Variants in ATF7IP2 observed in about 807,000 individuals in gnomAD.
The protein encoded by ATF7IP2 is activating transcription factor 7 interacting protein 2, also known as activating transcription factor 7-interacting protein 2.
ATF7IP2 carries 42 observed loss-of-function variants against 64.2 expected under a neutral mutation model. The observed-to-expected ratio is 0.65, with a 90% CI of 0.51 to 0.85. The LOEUF is 0.85. Among genes scored for constraint, ATF7IP2 ranks in the 40% least tolerant of loss-of-function variants. ATF7IP2 has a pLI of 0.00. For synonymous variants in ATF7IP2, 308 were observed against 272.8 expected (o/e 1.13, Z -1.27); for missense variants, 933 against 784.2 (o/e 1.19, Z -2.27).
intron 12 of ATF7IP2, among the ~76,000 whole-genome samples, chr16:10,478,055 TATC>T (rs1202189476): frequency 6.6e-6 from 1 of 151,306 alleles, no homozygotes. Context: ...GAAGAATCAA[TATC>T]ATGAAAATGG....
chr16:10,443,403 G>A (rs1197386672), intron 8 of ATF7IP2, among the ~76,000 whole-genome samples: 5 of 152,188 alleles, frequency 3.3e-5, no homozygotes, highest in Admixed American at 2.0e-4. Context: ...TGGGGTGCTA[G>A]AAGAGAGCTA....
intron 7 of ATF7IP2, among the ~76,000 whole-genome samples, chr16:10,439,717 A>G (rs1320127983): frequency 6.8e-6 from 1 of 147,742 alleles, no homozygotes; most frequent in Non-Finnish European, 1.5e-5. Flanking sequence ...TGTTCTTAGT[A>G]GAGATGGGGT....
intron 8 of ATF7IP2, chr16:10,447,576 T>A (rs1459124032): frequency 2.0e-5 from 3 of 152,030 alleles, no homozygotes; most frequent in Non-Finnish European, 2.9e-5. Flanking sequence ...AAAGCAGGGG[T>A]TTTTATTCCT....
Position 10,438,251 on chromosome 16 carries a change from A to G in ATF7IP2, c.1095+16A>G, listed in dbSNP as rs771730439. ...TAAACTTTTGGTAAGTTTTGATTTC[A>G]TTTGAGTCTTTTTTAGGGGAGTAGG... On this transcript the variant is annotated intron_variant, in intron 7 of 13. Coordinates refer to ENST00000562102, the MANE Select transcript of ATF7IP2 (RefSeq NM_001393719.1). 4.4e-6 allele frequency: 7 copies of G among 1,593,382 alleles called. No homozygotes were observed. In the Admixed American group the frequency reaches 7.2e-5, roughly 16 times the overall value.
chr16:10,463,716 T>C (rs2049451842), intron 9 of ATF7IP2, among the ~76,000 whole-genome samples: 1 of 152,232 alleles, frequency 6.6e-6, no homozygotes, highest in Admixed American at 6.5e-5. Flanking sequence ...GGAACTGAGA[T>C]AATGAATGTT....
chr16:10,413,386 C>T, intron 1 of ATF7IP2, among the ~76,000 whole-genome samples: 1 of 152,224 alleles, frequency 6.6e-6, no homozygotes, highest in East Asian at 1.9e-4. Context: ...TTGCCACTGC[C>T]ATGTCAGAAG....
chr16:10,430,104 T>C (rs1596487180), intron 4 of ATF7IP2, among the ~76,000 whole-genome samples: 2 of 152,140 alleles, frequency 1.3e-5, no homozygotes, highest in South Asian at 4.1e-4. Flanking sequence ...TCCTTCCAAC[T>C]CGGCCTCCCA....
chr16:10,418,509 C>T (rs1259986280), intron 2 of ATF7IP2, among the ~76,000 whole-genome samples: 1 of 152,168 alleles, frequency 6.6e-6, no homozygotes, highest in African/African-American at 2.4e-5. Context: ...TCCACATCTG[C>T]AGACTATACA....
chr16:10,472,581 T>C (rs1162830603), intron 10 of ATF7IP2, among the ~76,000 whole-genome samples: 1 of 152,084 alleles, frequency 6.6e-6, no homozygotes, highest in Non-Finnish European at 1.5e-5. Flanking sequence ...TCAGTCTGGG[T>C]GTGGTGGCTC....
intron 6 of ATF7IP2, among the ~76,000 whole-genome samples, chr16:10,435,357 C>A (rs765862235): frequency 5.3e-5 from 8 of 152,194 alleles, no homozygotes; most frequent in Non-Finnish European, 8.8e-5. Context: ...GTTATTCACT[C>A]TACCCATTAT....
In ATF7IP2 at chr16:10,472,155, G is replaced by T. The variant is rs371612637; in HGVS notation, c.1398G>T (p.Leu466Phe). 6.4e-7 allele frequency: 1 copy of T among 1,572,412 alleles called. No individual in the cohort carries two copies. Among genetic ancestry groups the T allele is most frequent in the African/African-American group, 1.4e-5 (1 of 74,008 alleles). Residue 466 changes from leucine to phenylalanine, a missense_variant, in exon 10 of 14, where the codon TTG becomes TTT. By Grantham distance (22) the Leu-to-Phe change is conservative. Coordinates refer to ENST00000562102, the MANE Select transcript of ATF7IP2 (RefSeq NM_001393719.1). The stretch of plus-strand genomic sequence containing the variant: ...TGATTTCTGTGGAAAGTCCTAATTT[G>T]ACAACTCCAATTACATCAAATCCAA... ...VMLISVESPN[L>F]TTPITSNPTD...
chr16:10,445,619 C>G (rs2048775120), intron 8 of ATF7IP2: 1 of 152,430 alleles, frequency 6.6e-6, no homozygotes, highest in Non-Finnish European at 1.5e-5. Context: ...ATTCTCCTGC[C>G]TCAGCCTCCC....
At chr16:10,443,721 G>T (rs931151223) in intron 8 of ATF7IP2, among the ~76,000 whole-genome samples, 1 of 152,156 alleles carries the variant, frequency 6.6e-6, no homozygotes, top group Non-Finnish European at 1.5e-5. Context: ...GAGAATGGTG[G>T]ACAAAATGTA....
At chr16:10,395,170 A>C (rs1393013742) in intron 1 of ATF7IP2, among the ~76,000 whole-genome samples, 3 of 152,052 alleles carry the variant, frequency 2.0e-5, no homozygotes, top group Non-Finnish European at 2.9e-5. Context: ...AAAAAAAAAA[A>C]TTATAAGGGA....
At chr16:10,431,627 C>T (rs578174465) in intron 5 of ATF7IP2, among the ~76,000 whole-genome samples, 172 bp downstream of exon 5, 11 of 152,180 alleles carry the variant, frequency 7.2e-5, no homozygotes, top group African/African-American at 2.6e-4. Flanking sequence ...GGACAGGTAT[C>T]CACCATATTA....
chr16:10,405,266 A>T (rs1300901383), intron 1 of ATF7IP2, among the ~76,000 whole-genome samples: 1 of 152,056 alleles, frequency 6.6e-6, no homozygotes, highest in Non-Finnish European at 1.5e-5. Context: ...GCTACTCAGG[A>T]GACTGAGGCA....
chr16:10,442,450 G>A (rs2048660356), intron 8 of ATF7IP2, among the ~76,000 whole-genome samples: 1 of 152,152 alleles, frequency 6.6e-6, no homozygotes, highest in East Asian at 1.9e-4. Flanking sequence ...TTGTTTTATT[G>A]AACTAGTCCA....
intron 9 of ATF7IP2, among the ~76,000 whole-genome samples, chr16:10,460,992 A>ATGAG (rs2049355892): frequency 6.6e-6 from 1 of 152,202 alleles, no homozygotes; most frequent in African/African-American, 2.4e-5. Context: ...CAACAAGTCA[A>ATGAG]TGAGTAAAAG....
At position 10,431,544 on chromosome 16, in the gene ATF7IP2, T is replaced by C. The variant is rs555352022; in HGVS notation, c.835+89T>C. 21 of 847,578 alleles carry C rather than the reference T, an allele frequency of 2.5e-5. No homozygotes were observed. The East Asian group carries it at 4.4e-4, about 18-fold the overall frequency. The allele number at this position is 847,578 out of a possible 1,614,324, so 52.5% of individuals were successfully genotyped here. A position where few individuals can be genotyped will look rare whatever the true frequency, so the allele number is the denominator to read the frequency against. ...AAAGTCTCAAATATACAAACCAGTA[T>C]AGACAGAAAAAAGGTAAATGATGAC... On this transcript the variant is annotated intron_variant, in intron 5 of 13. Transcript: ENST00000562102.
Sources: allele counts gnomAD v4.1 joint callset (sites outside exome capture counted in the v4.1 genomes callset), GRCh38; gene constraint gnomAD v4.1.1; transcripts MANE v1.5; gene names NCBI Gene and HGNC (gene_info 2026-07-23, HGNC 2026-07-21).